The following PRKCA variants were observed in gnomAD, a reference collection of about 807,000 sequenced individuals.
PRKCA encodes the protein protein kinase C alpha type.
In PRKCA, 27 loss-of-function variants were observed where a neutral mutation model predicts 87.0. That is an observed-to-expected ratio of 0.31 (90% confidence interval 0.23 to 0.43). PRKCA has a LOEUF of 0.43. PRKCA is among the 20% of genes least tolerant of loss of function. The probability of loss-of-function intolerance (pLI) is 1.00; values close to 1 mark genes in which losing one functional copy is unlikely to be tolerated. For synonymous variants in PRKCA, 329 were observed against 311.1 expected, an observed-to-expected ratio of 1.06 and a Z score of -0.61; for missense variants, 518 against 852.3, an observed-to-expected ratio of 0.61 and a Z score of 4.88.
intron 13 of PRKCA, among the ~76,000 whole-genome samples, chr17:66,759,173 T>C (rs1195382911): frequency 6.6e-6 from 1 of 151,776 alleles, no homozygotes; most frequent in African/African-American, 2.4e-5. Context: ...GCTAACAAGG[T>C]GAAACCCCAT....
chr17:66,338,863 A>G (rs925201626), intron 2 of PRKCA, among the ~76,000 whole-genome samples: 6 of 152,234 alleles, frequency 3.9e-5, no homozygotes, highest in Admixed American at 1.3e-4. Flanking sequence ...GTAGAGAACA[A>G]CAACATTCAA....
chr17:66,438,046 TC>T (rs1913505548), intron 2 of PRKCA, among the ~76,000 whole-genome samples: 1 of 151,904 alleles, frequency 6.6e-6, no homozygotes, highest in African/African-American at 2.4e-5. Flanking sequence ...AAAGAGAAAC[TC>T]CCAAACCCTC....
At chr17:66,722,485 C>T (rs796534317) in intron 8 of PRKCA, among the ~76,000 whole-genome samples, 1 of 152,266 alleles carries the variant, frequency 6.6e-6, no homozygotes, top group South Asian at 2.1e-4. Context: ...TGTACCATAA[C>T]CCCCATGTAG....
chr17:66,780,678 A>C lies in PRKCA; in HGVS notation c.1606-6189A>C, dbSNP rs149173945. Among the ~76,000 whole-genome samples the C allele has an allele frequency of 2.7e-3, 412 of 152,176 alleles. 2 individuals carry two copies. Among genetic ancestry groups the C allele is most frequent in the Admixed American group, 7.0e-3 (107 of 15,288 alleles). ...GGTGACAGGCAAGACTTAGTCTCAA[A>C]AAAAAGAGAAAATAATATAAGAAAG... On this transcript the variant is annotated intron_variant, in intron 14 of 16. Coordinates refer to ENST00000413366, the MANE Select transcript of PRKCA (RefSeq NM_002737.3).
At chr17:66,463,395 TA>T (rs397735601) in intron 2 of PRKCA, among the ~76,000 whole-genome samples, 1 of 150,494 alleles carries the variant, frequency 6.6e-6, no homozygotes, top group Non-Finnish European at 1.5e-5. Flanking sequence ...TTTTTTTTTT[TA>T]AATTTTTTTA....
intron 2 of PRKCA, among the ~76,000 whole-genome samples, chr17:66,358,335 A>G (rs2143464769): frequency 6.6e-6 from 1 of 152,298 alleles, no homozygotes; most frequent in South Asian, 2.1e-4. Flanking sequence ...TGGGTACCAG[A>G]TAAACTTAAC....
intron 5 of PRKCA, among the ~76,000 whole-genome samples, chr17:66,658,878 A>G (rs561855190): frequency 1.3e-5 from 2 of 152,078 alleles, no homozygotes; most frequent in Non-Finnish European, 2.9e-5. Context: ...CTAACCCCAG[A>G]CCTCATTTGT....
chr17:66,319,133 C>T (rs1289453409), intron 2 of PRKCA, among the ~76,000 whole-genome samples: 6 of 151,960 alleles, frequency 3.9e-5, no homozygotes. Flanking sequence ...GTCCCCTCCA[C>T]CCCCACCCAA....
chr17:66,455,040 CTG>C (rs1487881047), intron 2 of PRKCA, among the ~76,000 whole-genome samples: 1 of 152,190 alleles, frequency 6.6e-6, no homozygotes, highest in Non-Finnish European at 1.5e-5. Flanking sequence ...CTGAGAGAAA[CTG>C]GGGATGGAGG....
Position 66,331,508 on chromosome 17 carries a change from C to T in PRKCA, c.205+25381C>T, listed in dbSNP as rs76728505. 6.4e-3 allele frequency among the ~76,000 whole-genome samples: 967 copies of T among 152,108 alleles called. 11 individuals are homozygous for T. The highest frequency in any genetic ancestry group is 0.022 in the African/African-American group (926 of 41,502). ...ACTACAGAGGTCCACTTCTCCCTTGCTGTTCATATTCATTGTGAGTCGGTA... is the reference window on the plus strand; with the variant it reads ...ACTACAGAGGTCCACTTCTCCCTTGTTGTTCATATTCATTGTGAGTCGGTA... On this transcript the variant is annotated intron_variant, in intron 2 of 16. Coordinates refer to ENST00000413366, the MANE Select transcript of PRKCA (RefSeq NM_002737.3).
At chr17:66,326,794 A>G (rs1006909128) in intron 2 of PRKCA, among the ~76,000 whole-genome samples, 1 of 152,194 alleles carries the variant, frequency 6.6e-6, no homozygotes, top group African/African-American at 2.4e-5. Flanking sequence ...ATTTACTTAG[A>G]TATGCCTCTT....
At chr17:66,789,526 C>G (rs922821719) in intron 16 of PRKCA, among the ~76,000 whole-genome samples, 4 of 152,228 alleles carry the variant, frequency 2.6e-5, no homozygotes, top group African/African-American at 9.6e-5. Flanking sequence ...TTTTTTCACA[C>G]TCTCCCTGTT....
chr17:66,511,890 A>G (rs1917248032), intron 3 of PRKCA, among the ~76,000 whole-genome samples: 1 of 151,962 alleles, frequency 6.6e-6, no homozygotes, highest in Non-Finnish European at 1.5e-5. Flanking sequence ...CATATTGGCC[A>G]GGGTGGTCTT....
intron 2 of PRKCA, among the ~76,000 whole-genome samples, chr17:66,347,270 C>T (rs985109102): frequency 1.3e-5 from 2 of 152,092 alleles, no homozygotes; most frequent in Non-Finnish European, 2.9e-5. Context: ...CCTCTTCTGT[C>T]TGACTTAAAT....
At chr17:66,580,976 A>G (rs1292735793) in intron 3 of PRKCA, among the ~76,000 whole-genome samples, 1 of 151,728 alleles carries the variant, frequency 6.6e-6, no homozygotes, top group Non-Finnish European at 1.5e-5. Context: ...AATTATAGAG[A>G]TAACACAAGT....
chr17:66,342,457 A>C (rs986359261), intron 2 of PRKCA, among the ~76,000 whole-genome samples: 1,565 of 131,448 alleles, frequency 0.012, 37 homozygotes, highest in African/African-American at 0.04. Context: ...TAATAATAAT[A>C]ATAATAATAA....
intron 3 of PRKCA, among the ~76,000 whole-genome samples, chr17:66,628,164 C>T (rs1970910683): frequency 1.3e-5 from 2 of 152,022 alleles, no homozygotes; most frequent in Admixed American, 6.6e-5. Context: ...CAAAAACAGA[C>T]CTCTGCCTCT....
At chr17:66,533,277 T>C (rs1281646366) in intron 3 of PRKCA, among the ~76,000 whole-genome samples, 1 of 152,220 alleles carries the variant, frequency 6.6e-6, no homozygotes, top group African/African-American at 2.4e-5. Flanking sequence ...TGCATTTGGT[T>C]TGCGTAAAAG....
intron 2 of PRKCA, among the ~76,000 whole-genome samples, chr17:66,468,809 C>G (rs1915199557): frequency 6.6e-6 from 1 of 152,174 alleles, no homozygotes; most frequent in Admixed American, 6.5e-5. Context: ...AACCCAGATT[C>G]CCATTCACCA....
Sources: allele counts gnomAD v4.1 joint callset (sites outside exome capture counted in the v4.1 genomes callset), GRCh38; gene constraint gnomAD v4.1.1; transcripts MANE v1.5; gene names NCBI Gene and HGNC (gene_info 2026-07-23, HGNC 2026-07-21).